CAB39L: variants seen among roughly 807,000 people sequenced by gnomAD.
CAB39L encodes the protein calcium-binding protein 39-like.
A neutral mutation model predicts 39.1 loss-of-function variants in CAB39L; 23 were observed. The ratio of observed to expected loss-of-function variants is 0.59; its 90% CI spans 0.42 to 0.83. The LOEUF (loss-of-function observed/expected upper bound fraction) is 0.83, where lower values mean the gene tolerates loss of function less well. CAB39L is among the 40% of genes least tolerant of loss of function. CAB39L has a pLI of 0.00. For missense variants in CAB39L, 366 were observed against 391.9 expected (o/e 0.93, Z 0.56); for synonymous variants, 126 against 137.2 (o/e 0.92, Z 0.57).
intron 3 of CAB39L, among the ~76,000 whole-genome samples, chr13:49,421,442 TC>T (rs1451538004): frequency 6.6e-6 from 1 of 152,000 alleles, no homozygotes; most frequent in Non-Finnish European, 1.5e-5. Context: ...GGGACATTCA[TC>T]CCCCTTGAGC....
chr13:49,417,388 T>G (rs927443475), intron 3 of CAB39L, among the ~76,000 whole-genome samples: 1 of 152,130 alleles, frequency 6.6e-6, no homozygotes, highest in Admixed American at 6.5e-5. Context: ...CAATCATGCA[T>G]TGCCAGGCCA....
chr13:49,423,772 C>A (rs928021626), intron 3 of CAB39L, among the ~76,000 whole-genome samples: 3 of 152,048 alleles, frequency 2.0e-5, no homozygotes, highest in Non-Finnish European at 2.9e-5. Flanking sequence ...ATGGAGAACA[C>A]AAACATAAAT....
intron 3 of CAB39L, among the ~76,000 whole-genome samples, chr13:49,407,227 C>CA (rs1235797688): frequency 2.0e-5 from 3 of 151,930 alleles, no homozygotes; most frequent in Non-Finnish European, 2.9e-5. Context: ...TATTTGAATA[C>CA]AAAAAAATGG....
intron 3 of CAB39L, among the ~76,000 whole-genome samples, chr13:49,398,605 C>A (rs144451057): frequency 2.0e-5 from 3 of 151,978 alleles, no homozygotes; most frequent in Non-Finnish European, 4.4e-5. Flanking sequence ...AGAGTTTTTA[C>A]GCCATTACAA....
At chr13:49,421,789 G>A (rs9535239) in intron 3 of CAB39L, among the ~76,000 whole-genome samples, 95,476 of 151,480 alleles carry the variant, frequency 0.63, 30,468 homozygotes, top group African/African-American at 0.73. Flanking sequence ...ACTGAGAACA[G>A]GGAGAGAACC....
chr13:49,315,753 T>A (rs1003120624), intron 10 of CAB39L, among the ~76,000 whole-genome samples: 41 of 151,298 alleles, frequency 2.7e-4, no homozygotes, highest in African/African-American at 8.2e-4. Flanking sequence ...GGCATGGTGG[T>A]GTGCGCCTGT....
intron 5 of CAB39L, among the ~76,000 whole-genome samples, chr13:49,371,259 C>A (rs184970214): frequency 6.9e-6 from 1 of 145,064 alleles, no homozygotes; most frequent in Non-Finnish European, 1.5e-5. Context: ...GCGATCTTGG[C>A]TCACTGCAAC....
intron 3 of CAB39L, among the ~76,000 whole-genome samples, chr13:49,387,665 TG>T (rs57278686): frequency 0.12 from 18,617 of 152,198 alleles, 1,388 homozygotes; most frequent in Non-Finnish European, 0.16. Context: ...CCTGCAGACT[TG>T]GGCAAGAAAG....
chr13:49,328,794 T>C (rs1954578620), intron 10 of CAB39L, among the ~76,000 whole-genome samples: 2 of 152,166 alleles, frequency 1.3e-5, no homozygotes, highest in Admixed American at 1.3e-4. Flanking sequence ...ATGATCACAC[T>C]ACTGCACTCC....
At chr13:49,390,751 G>A (rs1956471757) in intron 3 of CAB39L, among the ~76,000 whole-genome samples, 1 of 152,114 alleles carries the variant, frequency 6.6e-6, no homozygotes, top group Non-Finnish European at 1.5e-5. Flanking sequence ...GAAGGGTATA[G>A]AATTGAAAAA....
chr13:49,329,578 TATATATATATATATATATA>T (rs1243990401), intron 10 of CAB39L, among the ~76,000 whole-genome samples: 4 of 100,548 alleles, frequency 4.0e-5, no homozygotes, highest in African/African-American at 1.2e-4. Flanking sequence ...TATATATATA[TATATATATATATATATATA>T]ATGATGTAAT....
chr13:49,385,859 A>G (rs1956346069), intron 3 of CAB39L, among the ~76,000 whole-genome samples: 1 of 152,220 alleles, frequency 6.6e-6, no homozygotes, highest in African/African-American at 2.4e-5. Flanking sequence ...GATCACCACA[A>G]CATATGTACT....
intron 3 of CAB39L, among the ~76,000 whole-genome samples, chr13:49,422,780 C>A (rs1957189480): frequency 6.6e-6 from 1 of 152,052 alleles, no homozygotes; most frequent in African/African-American, 2.4e-5. Flanking sequence ...TGATTAGAAG[C>A]AACCGGAATG....
intron 10 of CAB39L, among the ~76,000 whole-genome samples, chr13:49,326,269 C>T (rs1479666519): frequency 1.3e-5 from 2 of 152,218 alleles, no homozygotes; most frequent in African/African-American, 4.8e-5. Flanking sequence ...GGACCAGAGA[C>T]AAAAGTCTCC....
intron 10 of CAB39L, among the ~76,000 whole-genome samples, chr13:49,317,283 A>G (rs978900704): frequency 1.3e-4 from 20 of 152,224 alleles, no homozygotes; most frequent in African/African-American, 4.6e-4. Context: ...TAAACCCAGC[A>G]CTTTGGGAGG....
chr13:49,440,743 TG>T (rs1957501219), intron 1 of CAB39L, among the ~76,000 whole-genome samples: 1 of 151,292 alleles, frequency 6.6e-6, no homozygotes, highest in South Asian at 2.1e-4. Context: ...TGTGTGTGTG[TG>T]TGTGTGTGTG....
intron 3 of CAB39L, among the ~76,000 whole-genome samples, chr13:49,397,784 C>G (rs1956673844): frequency 6.6e-6 from 1 of 152,058 alleles, no homozygotes; most frequent in East Asian, 1.9e-4. Flanking sequence ...CGATCTGAAC[C>G]AAAGTCAGTA....
chr13:49,366,823 C>T (rs1013315504), intron 5 of CAB39L, among the ~76,000 whole-genome samples: 51 of 151,884 alleles, frequency 3.4e-4, no homozygotes, highest in African/African-American at 1.2e-3. Context: ...CGAGACCAGC[C>T]TGACCAACGT....
chr13:49,398,087 G>A (rs1034476243), intron 3 of CAB39L, among the ~76,000 whole-genome samples: 2 of 152,040 alleles, frequency 1.3e-5, no homozygotes, highest in Admixed American at 1.3e-4. Flanking sequence ...AGAGATGAAA[G>A]TGATTTTGCT....
Sources: allele counts gnomAD v4.1 joint callset (sites outside exome capture counted in the v4.1 genomes callset), GRCh38; gene constraint gnomAD v4.1.1; transcripts MANE v1.5; gene names NCBI Gene and HGNC (gene_info 2026-07-23, HGNC 2026-07-21).